The following PCDHGA12 variants were observed in gnomAD, a reference collection of about 807,000 sequenced individuals.
PCDHGA12 encodes protocadherin gamma-A12.
Under a neutral mutation model 61.1 loss-of-function variants are expected in PCDHGA12, and 43 were observed. The ratio of observed to expected loss-of-function variants is 0.70; its 90% CI spans 0.55 to 0.91. The LOEUF is 0.91. Ranked by LOEUF, PCDHGA12 falls within the 40% of genes least tolerant of loss-of-function variation. The probability of loss-of-function intolerance (pLI) is 0.00; values close to 1 mark genes in which losing one functional copy is unlikely to be tolerated. For missense variants in PCDHGA12, 1,236 were observed against 1,227.7 expected (o/e 1.01, Z -0.10); for synonymous variants, 520 against 542.9 (o/e 0.96, Z 0.59).
chr5:141,444,695 CCT>C (rs2154560766), intron 1 of PCDHGA12, among the ~76,000 whole-genome samples: 1 of 152,134 alleles, frequency 6.6e-6, no homozygotes, highest in South Asian at 2.1e-4. Flanking sequence ...AAAATATTTT[CCT>C]CTTTCTGTTG....
chr5:141,490,346 TG>T lies in PCDHGA12; in HGVS notation c.2425-4457del, dbSNP rs1458588422. ...GAGAGCACACCAGTGGGCACAGTAG[TG>T]GGGTTGTTTAATGTGCGAGACCGGG... On this transcript the variant is annotated intron_variant, in intron 1 of 3. Coordinates refer to ENST00000252085, the MANE Select transcript of PCDHGA12 (RefSeq NM_003735.3). The surrounding 1 kb of genome is among the most constrained non-coding windows in gnomAD (Gnocchi z 5.4). 1.2e-6 allele frequency: 2 copies of T among 1,614,164 alleles called. No individual in the cohort carries two copies. The highest frequency in any genetic ancestry group is 3.3e-5 in the Admixed American group (2 of 60,032).
intron 2 of PCDHGA12, among the ~76,000 whole-genome samples, chr5:141,503,100 G>A (rs563699751): frequency 6.6e-6 from 1 of 151,592 alleles, no homozygotes; most frequent in South Asian, 2.1e-4. Context: ...TGGTCTGCCC[G>A]CCCCTGCCTC....
At chr5:141,458,438 CCCA>C (rs1221646653) in intron 1 of PCDHGA12, among the ~76,000 whole-genome samples, 3 of 152,024 alleles carry the variant, frequency 2.0e-5, no homozygotes, top group African/African-American at 7.2e-5. Context: ...GAGGAGGTCC[CCCA>C]CATTAACAAT....
chr5:141,457,172 T>C (rs1425263344), intron 1 of PCDHGA12, among the ~76,000 whole-genome samples: 1 of 152,212 alleles, frequency 6.6e-6, no homozygotes, highest in East Asian at 1.9e-4. Context: ...ATAACCCTAT[T>C]GCAAATAGTA....
chr5:141,509,882 G>A (rs1374735632), intron 3 of PCDHGA12, among the ~76,000 whole-genome samples: 1 of 152,182 alleles, frequency 6.6e-6, no homozygotes. Context: ...GGTGGTGATG[G>A]TGACTGACTG....
intron 1 of PCDHGA12, among the ~76,000 whole-genome samples, chr5:141,445,447 A>C (rs974383838): frequency 6.6e-6 from 1 of 152,222 alleles, no homozygotes; most frequent in Non-Finnish European, 1.5e-5. Flanking sequence ...TGGACTAAGG[A>C]TGCAGCAATG....
intron 1 of PCDHGA12, among the ~76,000 whole-genome samples, chr5:141,483,525 A>G (rs1442825090): frequency 1.3e-5 from 2 of 152,126 alleles, no homozygotes; most frequent in African/African-American, 4.8e-5. Context: ...ATCCTGACTA[A>G]GGAAGCTGGG....
At chr5:141,439,432 A>C (rs537630916) in intron 1 of PCDHGA12, among the ~76,000 whole-genome samples, 1 of 152,326 alleles carries the variant, frequency 6.6e-6, no homozygotes, top group African/African-American at 2.4e-5. Flanking sequence ...AATTCCCAGG[A>C]ATATTTTATT....
chr5:141,487,811 A>T lies in PCDHGA12; in HGVS notation c.2425-6996A>T, dbSNP rs1389081995. 2.1e-6 allele frequency: 3 copies of T among 1,414,662 alleles called. No homozygotes were observed. In the African/African-American group the frequency reaches 4.3e-5, roughly 20 times the overall value. 87.6% of individuals were successfully genotyped at this position (1,414,662 alleles called of 1,614,324 possible). A position where few individuals can be genotyped will look rare whatever the true frequency, so the allele number is the denominator to read the frequency against. ...TTAACCAGAGTTGTCACAGTTTAGCATTGGGGGCGGGTCATGCCTATATCT... is the reference window on the plus strand; with the variant it reads ...TTAACCAGAGTTGTCACAGTTTAGCTTTGGGGGCGGGTCATGCCTATATCT... On this transcript the variant is annotated intron_variant, in intron 1 of 3. Transcript: ENST00000252085. The surrounding 1 kb of genome is among the most constrained non-coding windows in gnomAD (Gnocchi z 5.0).
At position 141,486,254 on chromosome 5, in the gene PCDHGA12, G is replaced by A. The variant is rs2099626723; in HGVS notation, c.2425-8553G>A. ...GACCTCAGAGCTTGGAACCCTCCCCGAGAGTGCAGAACCTGGCACTGTGGT... is the reference window on the plus strand; with the variant it reads ...GACCTCAGAGCTTGGAACCCTCCCCAAGAGTGCAGAACCTGGCACTGTGGT... On this transcript the variant is annotated intron_variant, in intron 1 of 3. Transcript: ENST00000252085. This position sits in a 1 kb window ranked among gnomAD's most constrained non-coding sequence, Gnocchi z 5.0. The A allele has an allele frequency of 1.2e-6, 2 of 1,613,992 alleles. No individual in the cohort carries two copies. Among genetic ancestry groups the A allele is most frequent in the Non-Finnish European group, 1.7e-6 (2 of 1,179,982 alleles).
intron 1 of PCDHGA12, among the ~76,000 whole-genome samples, chr5:141,457,005 A>T (rs2098903361): frequency 6.6e-6 from 1 of 152,146 alleles, no homozygotes; most frequent in Admixed American, 6.5e-5. Flanking sequence ...TGCATTACTA[A>T]ATCCAATAAA....
intron 1 of PCDHGA12, chr5:141,492,079 G>A (rs1400390407): frequency 4.1e-6 from 2 of 486,168 alleles, no homozygotes; most frequent in African/African-American, 2.0e-5. Context: ...CGCCGGCTCC[G>A]GCACGCTTCG....
Position 141,485,392 on chromosome 5 carries a change from A to G in PCDHGA12, c.2425-9415A>G. ...AGGTCGCTGGAGAGGTGAACCAAAG[A>G]CACTTCCGTGTGGATTTGGACAGCG... On this transcript the variant is annotated intron_variant, in intron 1 of 3. Coordinates refer to ENST00000252085, the MANE Select transcript of PCDHGA12 (RefSeq NM_003735.3). This position sits in a 1 kb window ranked among gnomAD's most constrained non-coding sequence, Gnocchi z 5.7. 1 of 1,613,918 alleles carries G rather than the reference A, an allele frequency of 6.2e-7. No homozygotes were observed. The highest frequency in any genetic ancestry group is 8.5e-7 in the Non-Finnish European group (1 of 1,179,938).
chr5:141,499,418 A>G (rs143234735), intron 2 of PCDHGA12, among the ~76,000 whole-genome samples: 1 of 152,296 alleles, frequency 6.6e-6, no homozygotes, highest in East Asian at 1.9e-4. Context: ...GAAACATGAA[A>G]AATAGAAAAA....
In PCDHGA12 at chr5:141,490,706, T is replaced by C. The variant is rs777636562; in HGVS notation, c.2425-4101T>C. On this transcript the variant is annotated intron_variant, in intron 1 of 3. Coordinates refer to ENST00000252085, the MANE Select transcript of PCDHGA12 (RefSeq NM_003735.3). This position sits in a 1 kb window ranked among gnomAD's most constrained non-coding sequence, Gnocchi z 5.4. ...CCAGACACTGGGGATAATGCCCGCC[T>C]CACCTACTCCATTGTAGGAAATCAG... is the stretch of plus-strand genomic sequence containing the variant. The C allele has an allele frequency of 6.2e-7, 1 of 1,614,074 alleles. No homozygotes were observed. Among genetic ancestry groups the C allele is most frequent in the African/African-American group, 1.3e-5 (1 of 74,948 alleles).
chr5:141,477,861 G>T lies in PCDHGA12; in HGVS notation c.2425-16946G>T. 6.2e-7 allele frequency: 1 copy of T among 1,612,714 alleles called. No homozygotes were observed. Among genetic ancestry groups the T allele is most frequent in the Non-Finnish European group, 8.5e-7 (1 of 1,179,590 alleles). ...GGGAGCTCGGTGGAGATGCTGCCTC[G>T]AGGTACCTCAGCTGGCCACCTAGTG... On this transcript the variant is annotated intron_variant, in intron 1 of 3. Coordinates refer to ENST00000252085, the MANE Select transcript of PCDHGA12 (RefSeq NM_003735.3). This position sits in a 1 kb window ranked among gnomAD's most constrained non-coding sequence, Gnocchi z 4.9.
At position 141,488,726 on chromosome 5, in the gene PCDHGA12, G is replaced by A. The variant is rs1562126303; in HGVS notation, c.2425-6081G>A. 2.0e-5 allele frequency among the ~76,000 whole-genome samples: 3 copies of A among 152,194 alleles called. No homozygotes were observed. The South Asian group carries it at 6.2e-4, about 32-fold the overall frequency. ...TGCTGGTTCAAGCAAAGTGGTGGAA[G>A]CTTCTGAAGTCATGCAGGAAGTTGC... On this transcript the variant is annotated intron_variant, in intron 1 of 3. Transcript: ENST00000252085.
In PCDHGA12 at chr5:141,487,562, G is replaced by A. The variant is rs140619162; in HGVS notation, c.2425-7245G>A. The A allele has an allele frequency of 7.7e-5, 125 of 1,614,060 alleles. 1 individual carries two copies. The highest frequency in any genetic ancestry group is 5.7e-4 in the Admixed American group (34 of 60,006). On this transcript the variant is annotated intron_variant, in intron 1 of 3. Transcript: ENST00000252085. The surrounding 1 kb of genome is among the most constrained non-coding windows in gnomAD (Gnocchi z 5.0). ...GAAGTCACCCAGTGCACCTATGGCA[G>A]GGGAGCCTGTTCGCCCAAGCTGCCC...
intron 1 of PCDHGA12, among the ~76,000 whole-genome samples, chr5:141,446,777 CT>C (rs1480571336): frequency 6.6e-6 from 1 of 152,072 alleles, no homozygotes; most frequent in South Asian, 2.1e-4. Context: ...GGTTACCATT[CT>C]TTTACTCTGA....
Sources: allele counts gnomAD v4.1 joint callset (sites outside exome capture counted in the v4.1 genomes callset), GRCh38; gene constraint gnomAD v4.1.1; non-coding constraint Gnocchi (gnomAD v3.1); transcripts MANE v1.5; gene names NCBI Gene and HGNC (gene_info 2026-07-23, HGNC 2026-07-21).